Variants in CENPI observed in about 807,000 individuals in gnomAD.
CENPI encodes FSH primary response 1.
A neutral mutation model predicts 60.4 loss-of-function variants in CENPI; 4 were observed. That is an observed-to-expected ratio of 0.07 (90% CI 0.03 to 0.15). CENPI has a LOEUF of 0.15. CENPI is among the 10% of genes least tolerant of loss of function. CENPI has a pLI of 1.00. For missense variants in CENPI, 444 were observed against 534.5 expected, an observed-to-expected ratio of 0.83 and a Z score of 1.67; for synonymous variants, 157 against 189.4, an observed-to-expected ratio of 0.83 and a Z score of 1.40.
chrX:101,099,917 A>C (rs1371357185), intron 2 of CENPI: 4 of 108,031 alleles, frequency 3.7e-5, no homozygotes, highest in Non-Finnish European at 7.6e-5. Context: ...CCTCCTGAGT[A>C]GATAGGACTA....
Position 101,162,857 on chromosome X carries a change from G to A in CENPI, c.2161G>A (p.Asp721Asn). 1 of 1,210,473 alleles carries A rather than the reference G, an allele frequency of 8.3e-7. No homozygotes were observed. Among genetic ancestry groups the A allele is most frequent in the Non-Finnish European group, 1.1e-6 (1 of 894,578 alleles). Residue 721 changes from aspartate (D) to asparagine (N), a missense_variant, in exon 22 of 22, where the codon GAC becomes AAC. By Grantham distance (23) the Asp-to-Asn change is conservative (BLOSUM62 1). Coordinates refer to ENST00000682095, the MANE Select transcript of CENPI (RefSeq NM_001386188.2). ...IRGKKWSWYL[D>N]YLFSQGLQGL... The stretch of plus-strand genomic sequence containing the variant: ...GGGAAAGAAATGGAGCTGGTATTTG[G>A]ACTATTTATTTTCACAGGGGTTACA...
At chrX:101,113,403 C>T (rs1045900272) in intron 6 of CENPI, among the ~76,000 whole-genome samples, 45 of 106,509 alleles carry the variant, frequency 4.2e-4, no homozygotes, top group African/African-American at 1.3e-3. Context: ...TCTTGGCTTA[C>T]CGCAGCCTCT....
chrX:101,160,579 G>A (rs762978477), intron 20 of CENPI, among the ~76,000 whole-genome samples: 56 of 107,792 alleles, frequency 5.2e-4, no homozygotes, highest in African/African-American at 1.8e-3. Context: ...TAGTAGAGAC[G>A]GGGCTTCACC....
chrX:101,159,277 T>G (rs1300561387), intron 20 of CENPI, among the ~76,000 whole-genome samples: 1 of 109,906 alleles, frequency 9.1e-6, no homozygotes, highest in East Asian at 2.9e-4. Context: ...TTCTCCTGCC[T>G]CAGCCTCCCG....
At chrX:101,147,733 A>C in intron 18 of CENPI, 30 bp from the exon 19 acceptor site, 1 of 1,122,066 alleles carries the variant, frequency 8.9e-7, no homozygotes. Flanking sequence ...GGCATGTTAA[A>C]TGTTTCATTC....
At chrX:101,116,368 C>T (rs2089623329) in intron 6 of CENPI, among the ~76,000 whole-genome samples, 1 of 109,765 alleles carries the variant, frequency 9.1e-6, no homozygotes, top group Non-Finnish European at 1.9e-5. Flanking sequence ...AATTCTTCTT[C>T]CAATGTGGCC....
chrX:101,118,319 T>G (rs1453207062), intron 6 of CENPI, among the ~76,000 whole-genome samples: 1 of 112,101 alleles, frequency 8.9e-6, no homozygotes, highest in South Asian at 3.7e-4. Flanking sequence ...TTCCATGTCC[T>G]GTGGTGCACA....
At chrX:101,152,564 G>A (rs929812520) in intron 20 of CENPI, among the ~76,000 whole-genome samples, 3 of 109,112 alleles carry the variant, frequency 2.7e-5, no homozygotes, top group South Asian at 8.0e-4. Context: ...ACCATGCCCC[G>A]CTAATTTTTT....
chrX:101,099,360 G>A (rs746363465), intron 2 of CENPI, among the ~76,000 whole-genome samples: 19 of 108,826 alleles, frequency 1.7e-4, no homozygotes, highest in African/African-American at 5.4e-4. Flanking sequence ...CCCGGGAGGC[G>A]GAGGTTGTGG....
intron 20 of CENPI, among the ~76,000 whole-genome samples, chrX:101,155,530 C>T (rs930190061): frequency 9.1e-6 from 1 of 109,627 alleles, no homozygotes; most frequent in African/African-American, 3.3e-5. Context: ...TGTTGTGAAA[C>T]CATTTTTCTG....
chrX:101,123,268 G>A (rs1223485339), intron 8 of CENPI, among the ~76,000 whole-genome samples: 4 of 111,996 alleles, frequency 3.6e-5, no homozygotes, highest in Non-Finnish European at 5.6e-5. Flanking sequence ...CATATATCCC[G>A]TCTATCCCCC....
chrX:101,157,047 G>A (rs2090059330), intron 20 of CENPI, among the ~76,000 whole-genome samples: 1 of 111,364 alleles, frequency 9.0e-6, no homozygotes, highest in Non-Finnish European at 1.9e-5. Context: ...TCAAATGGTG[G>A]TTCTACTTTT....
Position 101,100,716 on chromosome X carries a change from C to T in CENPI, c.-13-342C>T, listed in dbSNP as rs139204343. On this transcript the variant is annotated intron_variant, in intron 2 of 21. Transcript: ENST00000682095. Reference sequence around the variant, plus strand: ...GGGATTACAGGTGTGAGCCACCACGCCCGGCCGAGATGGATTAGTTTTGGA... The same window carrying T: ...GGGATTACAGGTGTGAGCCACCACGTCCGGCCGAGATGGATTAGTTTTGGA... The T allele has an allele frequency of 2.5e-3, 379 of 150,654 alleles. 1 individual carries two copies. Among genetic ancestry groups the T allele is most frequent in the African/African-American group, 0.01 (336 of 32,552 alleles). 12.4% of individuals were successfully genotyped at this position (150,654 alleles called of 1,213,427 possible).
intron 2 of CENPI, chrX:101,100,836 G>A (rs2089406919): frequency 3.2e-5 from 12 of 371,120 alleles, no homozygotes. Context: ...TTCAGCTGAT[G>A]AATGTTACCT....
chrX:101,156,204 G>T (rs1271433600), intron 20 of CENPI, among the ~76,000 whole-genome samples: 1 of 110,656 alleles, frequency 9.0e-6, no homozygotes, highest in Non-Finnish European at 1.9e-5. Flanking sequence ...GTAGAGATGG[G>T]TTTCACCATG....
chrX:101,114,297 A>G (rs911498720), intron 6 of CENPI, among the ~76,000 whole-genome samples: 4 of 112,258 alleles, frequency 3.6e-5, no homozygotes, highest in African/African-American at 6.5e-5. Flanking sequence ...ACACAGCTTT[A>G]TTGAGATTTA....
chrX:101,105,897 G>GTT (rs1440865221), intron 4 of CENPI, among the ~76,000 whole-genome samples: 1 of 108,848 alleles, frequency 9.2e-6, no homozygotes, highest in Non-Finnish European at 1.9e-5. Context: ...TTTTTTTTCT[G>GTT]TTAAGCTGGA....
intron 8 of CENPI, among the ~76,000 whole-genome samples, chrX:101,124,632 G>T (rs2089715148): frequency 9.0e-6 from 1 of 111,080 alleles, no homozygotes; most frequent in African/African-American, 3.3e-5. Flanking sequence ...GGACCCAATG[G>T]GAGGTAGTTG....
At chrX:101,137,094 G>A (rs1332073494) in intron 15 of CENPI, among the ~76,000 whole-genome samples, 2 of 110,385 alleles carry the variant, frequency 1.8e-5, no homozygotes, top group Non-Finnish European at 3.8e-5. Flanking sequence ...TAAAGTTTTT[G>A]TAGAGACAAG....
Sources: allele counts gnomAD v4.1 joint callset (sites outside exome capture counted in the v4.1 genomes callset), GRCh38; gene constraint gnomAD v4.1.1; transcripts MANE v1.5; gene names NCBI Gene and HGNC (gene_info 2026-07-23, HGNC 2026-07-21).